Variants in CEP72 observed in about 807,000 individuals in gnomAD.
The protein encoded by CEP72 is centrosomal protein 72.
Under a neutral mutation model 65.7 loss-of-function variants are expected in CEP72, and 78 were observed. The observed-to-expected ratio is 1.19, with a 90% CI of 0.99 to 1.43. The LOEUF (loss-of-function observed/expected upper bound fraction) is 1.43. Among genes scored for constraint, CEP72 ranks in the 40% most tolerant of loss-of-function variants. CEP72 has a pLI of 0.00. For missense variants in CEP72, 914 were observed against 832.9 expected (o/e 1.10, Z -1.20); for synonymous variants, 358 against 351.7 (o/e 1.02, Z -0.20).
chr5:663,152 TCGGG>T (rs1739737995), intron 1 of CEP72: 2 of 128,348 alleles, frequency 1.6e-5, no homozygotes, highest in Non-Finnish European at 3.7e-5. Flanking sequence ...TCGTCTGTGA[TCGGG>T]TGAGTCCGAT....
chr5:662,254 A>C (rs1022393491), intron 1 of CEP72: 3 of 152,696 alleles, frequency 2.0e-5, no homozygotes, highest in Admixed American at 2.0e-4. Context: ...CGTCGGTGAC[A>C]GGGCCTGCTC....
intron 4 of CEP72, among the ~76,000 whole-genome samples, chr5:628,328 A>G (rs1736888375): frequency 6.6e-6 from 1 of 152,246 alleles, no homozygotes. Flanking sequence ...GGGACGCCCA[A>G]GGAACTATGC....
Position 624,246 on chromosome 5 carries a change from C to T in CEP72, c.404-225C>T, listed in dbSNP as rs545427207. 6.6e-6 allele frequency among the ~76,000 whole-genome samples: 1 copy of T among 152,332 alleles called. No homozygotes were observed. The highest frequency in any genetic ancestry group is 2.4e-5 in the African/African-American group (1 of 41,592). ...TGTGAGCCTCATCTGTGTGCGGCTGCTCCCGTGCGCAGCAGTGAGCTCTGA... is the reference window on the plus strand; with the variant it reads ...TGTGAGCCTCATCTGTGTGCGGCTGTTCCCGTGCGCAGCAGTGAGCTCTGA... On this transcript the variant is annotated intron_variant, in intron 3 of 11. Coordinates refer to ENST00000264935, the MANE Select transcript of CEP72 (RefSeq NM_018140.4). The surrounding 1 kb of genome is among the most constrained non-coding windows in gnomAD (Gnocchi z 4.7).
At chr5:629,960 G>A (rs1285236789) in intron 4 of CEP72, among the ~76,000 whole-genome samples, 1 of 54,676 alleles carries the variant, frequency 1.8e-5, no homozygotes, top group Non-Finnish European at 3.1e-5. Flanking sequence ...GTCCAGTGCC[G>A]GGATTTAGAC....
intron 9 of CEP72, chr5:643,126 G>A (rs1738168727): frequency 1.0e-6 from 1 of 973,002 alleles, no homozygotes. Context: ...GAGGCAGGAG[G>A]CTCAGGAGTT....
rs888844536 is a variant in CEP72 at position 645,093 on chromosome 5, G to C, written c.1666+668G>C. Among the ~76,000 whole-genome samples the C allele has an allele frequency of 1.3e-5, 2 of 152,058 alleles. No individual in the cohort carries two copies. The highest frequency in any genetic ancestry group is 4.8e-5 in the African/African-American group (2 of 41,396). On this transcript the variant is annotated intron_variant, in intron 10 of 11. Transcript: ENST00000264935. This position sits in a 1 kb window ranked among gnomAD's most constrained non-coding sequence, Gnocchi z 4.0. The stretch of plus-strand genomic sequence containing the variant: ...CATACTTCCCTGAGATTGACAAGTC[G>C]AGCATCTCTTCCTGGTCTAGCCTCT...
intron 4 of CEP72, among the ~76,000 whole-genome samples, chr5:628,554 TCCCCGGGGAG>T (rs1736935216): frequency 1.3e-4 from 18 of 137,908 alleles, no homozygotes; most frequent in African/African-American, 4.3e-4. Flanking sequence ...CAGGTTGCAG[TCCCCGGGGAG>T]TGTTCCCAGG....
chr5:639,023 G>A, intron 7 of CEP72, 66 bp from the exon 8 acceptor site: 3 of 1,601,512 alleles, frequency 1.9e-6, no homozygotes, highest in South Asian at 2.2e-5. Flanking sequence ...GTGCGCTTGG[G>A]CACCTGCTGG....
rs1049390962 is a variant in CEP72, at chr5:624,728, C to G, written c.512+149C>G. ...GGGCAGAGCCTGCCTGGCGGGGACT[C>G]CGTGGACAGTGGGACGGGGCCTCTC... is the stretch of plus-strand genomic sequence containing the variant. On this transcript the variant is annotated intron_variant, in intron 4 of 11. Transcript: ENST00000264935. The surrounding 1 kb of genome is among the most constrained non-coding windows in gnomAD (Gnocchi z 4.7). 4 of 656,308 alleles carry G rather than the reference C, an allele frequency of 6.1e-6. No individual in the cohort carries two copies. Among genetic ancestry groups the G allele is most frequent in the Non-Finnish European group, 1.1e-5 (4 of 355,036 alleles). The allele number at this position is 656,308 out of a possible 1,614,324, so 40.7% of individuals were successfully genotyped here.
At position 635,587 on chromosome 5, in the gene CEP72, A is replaced by G. The variant is rs1310650933; in HGVS notation, c.904+3A>G. ...CACGTACTTCACCCCACACCCAGGTACTTACGCGTGTCTTAGTCTGTTTTC... is the reference window on the plus strand; with the variant it reads ...CACGTACTTCACCCCACACCCAGGTGCTTACGCGTGTCTTAGTCTGTTTTC... On this transcript the variant is annotated splice_donor_region_variant and intron_variant, in intron 6 of 11. Transcript: ENST00000264935. The G allele has an allele frequency of 1.2e-6, 2 of 1,606,366 alleles. No homozygotes were observed. Among genetic ancestry groups the G allele is most frequent in the Non-Finnish European group, 1.7e-6 (2 of 1,173,594 alleles).
chr5:624,276 C>T lies in CEP72; in HGVS notation c.404-195C>T, dbSNP rs1736590687. Among the ~76,000 whole-genome samples the T allele has an allele frequency of 6.6e-6, 1 of 152,200 alleles. No individual in the cohort carries two copies. The highest frequency in any genetic ancestry group is 6.5e-5 in the Admixed American group (1 of 15,288). On this transcript the variant is annotated intron_variant, in intron 3 of 11. Coordinates refer to ENST00000264935, the MANE Select transcript of CEP72 (RefSeq NM_018140.4). The surrounding 1 kb of genome is among the most constrained non-coding windows in gnomAD (Gnocchi z 4.7). ...GTGCGCAGCAGTGAGCTCTGAGGGA[C>T]AGGCGGCCTCAGCACCACGCTGGGC...
At chr5:633,257 G>GT (rs1187252684) in intron 4 of CEP72, among the ~76,000 whole-genome samples, 1 of 102,878 alleles carries the variant, frequency 9.7e-6, no homozygotes, top group Non-Finnish European at 1.9e-5. Flanking sequence ...TCCTGGTGGG[G>GT]TGCTGTCCAG....
At chr5:652,865 G>A in intron 11 of CEP72, 123 bp from the exon 12 acceptor site, 1 of 1,061,476 alleles carries the variant, frequency 9.4e-7, no homozygotes, top group Non-Finnish European at 1.3e-6. Flanking sequence ...ACAGAGATAG[G>A]TCTGTGTGCA....
downstream of CEP72, among the ~76,000 whole-genome samples, chr5:654,437 CTG>C (rs896601794): frequency 5.4e-5 from 8 of 147,368 alleles, no homozygotes; most frequent in African/African-American, 2.0e-4. Context: ...TGTCTGCTAG[CTG>C]TGTGTGTGTG....
chr5:622,643 G>A (rs1440598662), intron 3 of CEP72, among the ~76,000 whole-genome samples: 1 of 152,256 alleles, frequency 6.6e-6, no homozygotes, highest in East Asian at 1.9e-4. Flanking sequence ...GCAGCGAGGA[G>A]CGCCTCCTTG....
chr5:662,864 CGTCTGTG>C (rs1561076507), intron 1 of CEP72: 2 of 143,812 alleles, frequency 1.4e-5, no homozygotes, highest in Non-Finnish European at 3.0e-5. Flanking sequence ...GGTGGCCACT[CGTCTGTG>C]ATCGGGTGAT....
intron 5 of CEP72, among the ~76,000 whole-genome samples, chr5:635,057 A>G (rs1048192334): frequency 2.6e-5 from 4 of 152,032 alleles, no homozygotes; most frequent in Non-Finnish European, 5.9e-5. Flanking sequence ...CACCACACCC[A>G]GCTAATTTTG....
At chr5:672,242 C>A in the CEP72 span, among the ~76,000 whole-genome samples, 13 of 152,288 alleles carry the variant, frequency 8.5e-5, no homozygotes, top group African/African-American at 3.1e-4. Flanking sequence ...CAGCCCTCCA[C>A]GCTCGGGGCA....
At chr5:673,022 T>C in the CEP72 span, among the ~76,000 whole-genome samples, 1 of 152,220 alleles carries the variant, frequency 6.6e-6, no homozygotes, top group African/African-American at 2.4e-5. Flanking sequence ...GTAGACTTTT[T>C]CTCCACAAGT....
Sources: allele counts gnomAD v4.1 joint callset (sites outside exome capture counted in the v4.1 genomes callset), GRCh38; gene constraint gnomAD v4.1.1; non-coding constraint Gnocchi (gnomAD v3.1); transcripts MANE v1.5; gene names NCBI Gene and HGNC (gene_info 2026-07-23, HGNC 2026-07-21).